TRERF1: variants seen among roughly 807,000 people sequenced by gnomAD.
TRERF1 encodes the protein transcriptional regulating factor 1.
In TRERF1, 27 loss-of-function variants were observed where a neutral mutation model predicts 122.9. The ratio of observed to expected loss-of-function variants is 0.22; its 90% CI spans 0.16 to 0.30. The LOEUF is 0.30. TRERF1 is among the 10% of genes least tolerant of loss of function. TRERF1 has a pLI of 1.00. For synonymous variants in TRERF1, 636 were observed against 641.7 expected, an observed-to-expected ratio of 0.99 and a Z score of 0.13; for missense variants, 1,248 against 1,560.3, an observed-to-expected ratio of 0.80 and a Z score of 3.37.
chr6:42,329,554 A>G (rs1764875592), intron 3 of TRERF1, among the ~76,000 whole-genome samples: 2 of 152,156 alleles, frequency 1.3e-5, no homozygotes, highest in South Asian at 4.1e-4. Context: ...TGAGGATCAC[A>G]ACCTGGAACT....
At chr6:42,363,888 C>G (rs370337025) in intron 2 of TRERF1, among the ~76,000 whole-genome samples, 1 of 152,194 alleles carries the variant, frequency 6.6e-6, no homozygotes, top group South Asian at 2.1e-4. Context: ...GCCTCCAGAG[C>G]TGTGAGACAA....
At chr6:42,379,654 C>T (rs1226015314) in intron 2 of TRERF1, among the ~76,000 whole-genome samples, 1 of 152,174 alleles carries the variant, frequency 6.6e-6, no homozygotes, top group African/African-American at 2.4e-5. Context: ...CCTCAGCCTC[C>T]CAAGCAGCTG....
At chr6:42,446,104 G>T (rs571869527) in intron 2 of TRERF1, among the ~76,000 whole-genome samples, 1 of 152,306 alleles carries the variant, frequency 6.6e-6, no homozygotes, top group African/African-American at 2.4e-5. Context: ...AGTAAAGACA[G>T]TGTTTCACCA....
chr6:42,423,738 T>G (rs1385417436), intron 2 of TRERF1, among the ~76,000 whole-genome samples: 1 of 152,016 alleles, frequency 6.6e-6, no homozygotes, highest in African/African-American at 2.4e-5. Context: ...AAAAAAAAAG[T>G]TTCCAAAGCA....
exon 18 of TRERF1, chr6:42,226,746 T>C (rs1389378189): frequency 6.6e-6 from 1 of 152,242 alleles, no homozygotes; most frequent in East Asian, 1.9e-4. Context: ...AGACGTCAGG[T>C]CCTACTCTCA....
chr6:42,300,929 A>C (rs1386140757), intron 3 of TRERF1, among the ~76,000 whole-genome samples, 180 bp from the exon 4 acceptor site: 1 of 152,212 alleles, frequency 6.6e-6, no homozygotes, highest in Non-Finnish European at 1.5e-5. Context: ...AAAGGCCTGC[A>C]ATGTGCCAGG....
At chr6:42,233,461 A>AT (rs1486825981) in intron 16 of TRERF1, among the ~76,000 whole-genome samples, 4 of 151,138 alleles carry the variant, frequency 2.6e-5, no homozygotes, top group Non-Finnish European at 5.9e-5. Flanking sequence ...AATTTTTTGT[A>AT]GTTTTAGTAG....
In TRERF1 at chr6:42,264,687, A is replaced by G. The variant is rs1004037866; in HGVS notation, c.1635+17T>C. On this transcript the variant is annotated intron_variant, in intron 7 of 17. Transcript: ENST00000372922. ...AGCACACGACCTAGAAAGGACCGGG[A>G]ACTGGCTCCTGCTAACCTGTTTGAG... 25 of 1,612,666 alleles carry G rather than the reference A, an allele frequency of 1.6e-5. No individual in the cohort carries two copies. Among genetic ancestry groups the G allele is most frequent in the Non-Finnish European group, 2.1e-5 (25 of 1,179,388 alleles).
intron 2 of TRERF1, among the ~76,000 whole-genome samples, chr6:42,373,750 G>A (rs1774231469): frequency 6.6e-6 from 1 of 151,516 alleles, no homozygotes; most frequent in Non-Finnish European, 1.5e-5. Context: ...AGAATCGCTT[G>A]AACCTGGGAG....
At chr6:42,423,910 G>A (rs1222289902) in intron 2 of TRERF1, among the ~76,000 whole-genome samples, 1 of 152,184 alleles carries the variant, frequency 6.6e-6, no homozygotes, top group East Asian at 1.9e-4. Flanking sequence ...GGCTTTCTTA[G>A]ATAATCTGCA....
At chr6:42,338,512 A>G (rs1007196721) in intron 3 of TRERF1, among the ~76,000 whole-genome samples, 4 of 152,220 alleles carry the variant, frequency 2.6e-5, no homozygotes, top group African/African-American at 9.7e-5. Flanking sequence ...GCTCATTAGA[A>G]TGGAATTTTT....
chr6:42,269,110 T>A lies in TRERF1; in HGVS notation c.481A>T (p.Asn161Tyr). 6.2e-7 allele frequency: 1 copy of A among 1,614,190 alleles called. No individual in the cohort carries two copies. The highest frequency in any genetic ancestry group is 8.5e-7 in the Non-Finnish European group (1 of 1,180,022). ...TGAGTGTGCAGCACCTGGGCCATAT[T>A]GTTGACCTGAATTCGCAGGTTTTGG... The change falls in exon 5 of 18, where the codon AAT (asparagine) becomes TAT (tyrosine). Residue 161 changes from asparagine to tyrosine, a missense_variant. By Grantham distance (143) the Asn-to-Tyr change is moderately radical (BLOSUM62 -2). Transcript: ENST00000372922. The surrounding 1 kb of genome is among the most constrained non-coding windows in gnomAD (Gnocchi z 4.9).
At position 42,236,147 on chromosome 6, in the gene TRERF1, G is replaced by A. The variant is rs184548364; in HGVS notation, c.3066+58C>T. ...GAAAATACATCATCTCTTAAAGCCA[G>A]GCACAGCTATATGGCTCTCACTTGT... On this transcript the variant is annotated intron_variant, in intron 16 of 17. Coordinates refer to ENST00000372922, the Ensembl canonical transcript of TRERF1. 502 of 1,510,638 alleles carry A rather than the reference G, an allele frequency of 3.3e-4. 1 individual carries two copies. Among genetic ancestry groups the A allele is most frequent in the Admixed American group, 1.6e-3 (69 of 43,304 alleles). 93.6% of individuals were successfully genotyped at this position (1,510,638 alleles called of 1,614,324 possible).
intron 2 of TRERF1, among the ~76,000 whole-genome samples, chr6:42,423,902 C>T (rs981411458): frequency 3.9e-5 from 6 of 152,112 alleles, no homozygotes; most frequent in Non-Finnish European, 8.8e-5. Context: ...ACATTTATGG[C>T]TTTCTTAGAT....
At chr6:42,408,226 T>C (rs28651951) in intron 2 of TRERF1, among the ~76,000 whole-genome samples, 3 of 112,458 alleles carry the variant, frequency 2.7e-5, no homozygotes, top group South Asian at 2.8e-4. Flanking sequence ...TATATATATA[T>C]ATGTGTGTGT....
intron 3 of TRERF1, among the ~76,000 whole-genome samples, chr6:42,311,489 G>A (rs914660921): frequency 6.6e-6 from 1 of 151,904 alleles, no homozygotes; most frequent in East Asian, 1.9e-4. Context: ...GAGGGGCCGG[G>A]CGCGGTGGCT....
chr6:42,444,762 C>T (rs896643089), intron 2 of TRERF1, among the ~76,000 whole-genome samples: 4 of 151,948 alleles, frequency 2.6e-5, no homozygotes, highest in Non-Finnish European at 5.9e-5. Context: ...CCAACACTTC[C>T]AAAAAACCTC....
At chr6:42,336,387 AG>A (rs1766178768) in intron 3 of TRERF1, among the ~76,000 whole-genome samples, 2 of 152,044 alleles carry the variant, frequency 1.3e-5, no homozygotes, top group Admixed American at 6.6e-5. Context: ...GGTTCCCTGG[AG>A]GAGCTCCTTG....
At position 42,401,238 on chromosome 6, in the gene TRERF1, T is replaced by C. The variant is rs148348674; in HGVS notation, c.-453-38159A>G. ...ATCTGAGATACTGAATTAATTACCA[T>C]AAAAAACCAGGCCGTCAACTACCAG... On this transcript the variant is annotated intron_variant, in intron 2 of 17. Transcript: ENST00000372922. Among the ~76,000 whole-genome samples the C allele has an allele frequency of 4.5e-4, 69 of 152,190 alleles. 1 individual carries two copies. The East Asian group carries it at 0.013, about 29-fold the overall frequency.
Sources: allele counts gnomAD v4.1 joint callset (sites outside exome capture counted in the v4.1 genomes callset), GRCh38; gene constraint gnomAD v4.1.1; non-coding constraint Gnocchi (gnomAD v3.1); transcripts MANE v1.5; gene names NCBI Gene and HGNC (gene_info 2026-07-23, HGNC 2026-07-21).